Variants in DSG3 observed in about 807,000 individuals in gnomAD.
DSG3 encodes desmoglein-3.
DSG3 carries 63 observed loss-of-function variants against 85.9 expected under a neutral mutation model. That is an observed-to-expected ratio of 0.73 (90% confidence interval 0.60 to 0.90). The LOEUF is 0.90. DSG3 is among the 40% of genes least tolerant of loss of function. The pLI, the probability that DSG3 is intolerant of heterozygous loss-of-function variation, is 0.00. For synonymous variants in DSG3, 447 were observed against 441.9 expected, an observed-to-expected ratio of 1.01 and a Z score of -0.14; for missense variants, 1,220 against 1,219.9, an observed-to-expected ratio of 1.00 and a Z score of 0.00.
chr18:31,471,261 T>C (rs1255347315), intron 12 of DSG3, among the ~76,000 whole-genome samples: 1 of 152,152 alleles, frequency 6.6e-6, no homozygotes, highest in African/African-American at 2.4e-5. Context: ...AATTCATATG[T>C]TGAAACTTAA....
Position 31,460,861 on chromosome 18 carries a change from G to A in DSG3, c.713G>A (p.Ser238Asn). The change falls in exon 7 of 16, where the codon AGT becomes AAT. Residue 238 changes from serine to asparagine, a missense_variant. Physicochemically the swap from Ser to Asn is conservative, Grantham distance 46. Transcript: ENST00000257189. ...GCTAGCAGCTATCGTCTGGTTGTGA[G>A]TGGTGCAGACAAAGATGGAGAAGGA... is the stretch of plus-strand genomic sequence containing the variant. ...EQASSYRLVV[S>N]GADKDGEGLS... 6.3e-7 allele frequency: 1 copy of A among 1,594,612 alleles called. No homozygotes were observed. Among genetic ancestry groups the A allele is most frequent in the Non-Finnish European group, 8.5e-7 (1 of 1,174,690 alleles).
chr18:31,474,609 G>T (rs569136886), intron 15 of DSG3, among the ~76,000 whole-genome samples: 1 of 152,294 alleles, frequency 6.6e-6, no homozygotes, highest in Non-Finnish European at 1.5e-5. Context: ...AAGAATGGGA[G>T]CCAGGCACAG....
Position 31,476,024 on chromosome 18 carries a change from A to G in DSG3, c.2764A>G (p.Ile922Val). 6.2e-7 allele frequency: 1 copy of G among 1,614,178 alleles called. No homozygotes were observed. Among genetic ancestry groups the G allele is most frequent in the Non-Finnish European group, 8.5e-7 (1 of 1,180,038 alleles). Residue 922 changes from isoleucine to valine, a missense_variant, in exon 16 of 16, where the codon ATC (isoleucine) becomes GTC (valine). Physicochemically the swap from Ile to Val is conservative, Grantham distance 29. Transcript: ENST00000257189. ...TGGGTCTGTCCAGCCAGCTGTTTCC[A>G]TCCCTGACCCTCTGCAGCATGGTAA... ...TSGSVQPAVSIPDPLQHGNYL... is the reference protein window; with the variant it reads ...TSGSVQPAVSVPDPLQHGNYL...
In DSG3 at chr18:31,476,257, A is replaced by G; in HGVS notation, c.2997A>G (p.Ile999Met). Residue 999 changes from isoleucine to methionine, a missense_variant, in exon 16 of 16, where the codon ATA becomes ATG. Transcript: ENST00000257189. ...CAGAGGATCCTTGCTCCCGTCTAAT[A>G]TGACCAGAATGAGCTGGAATACCAC... is the stretch of plus-strand genomic sequence containing the variant. ...LCTEDPCSRL[I>M] 1.2e-6 allele frequency: 2 copies of G among 1,602,230 alleles called. No individual in the cohort carries two copies. The highest frequency in any genetic ancestry group is 1.7e-6 in the Non-Finnish European group (2 of 1,173,366).
intron 8 of DSG3, among the ~76,000 whole-genome samples, chr18:31,462,681 T>C (rs1316845278): frequency 6.6e-6 from 1 of 152,122 alleles, no homozygotes; most frequent in African/African-American, 2.4e-5. Context: ...CCTTAGAAAT[T>C]GTCTTTGAAG....
chr18:31,466,507 A>C, intron 10 of DSG3, 23 bp from the exon 11 acceptor site: 1 of 1,602,192 alleles, frequency 6.2e-7, no homozygotes, highest in Non-Finnish European at 8.6e-7. Flanking sequence ...CATTTCTTTA[A>C]CTCTAAAACA....
At position 31,476,151 on chromosome 18, in the gene DSG3, G is replaced by T. The variant is rs1263644589; in HGVS notation, c.2891G>T (p.Arg964Met). 2 of 1,614,074 alleles carry T rather than the reference G, an allele frequency of 1.2e-6. No homozygotes were observed. Among genetic ancestry groups the T allele is most frequent in the African/African-American group, 2.7e-5 (2 of 74,924 alleles). Residue 964 changes from arginine to methionine, a missense_variant, in exon 16 of 16, where the codon AGG becomes ATG. By Grantham distance (91) the Arg-to-Met change is moderately conservative. Coordinates refer to ENST00000257189, the MANE Select transcript of DSG3 (RefSeq NM_001944.3). ...LLTQNVIVTERVICPISSVPG... is the reference protein window; with the variant it reads ...LLTQNVIVTEMVICPISSVPG... The stretch of plus-strand genomic sequence containing the variant: ...ACACAAAATGTGATAGTGACAGAAA[G>T]GGTGATCTGTCCCATTTCCAGTGTT...
chr18:31,461,490 T>C lies in DSG3; in HGVS notation c.999+78T>C, dbSNP rs1198451917. The stretch of plus-strand genomic sequence containing the variant: ...GATCATTTCTACAGATAAAATGTAT[T>C]TATTTGTTAATATCACTTTATTACA... On this transcript the variant is annotated intron_variant, in intron 8 of 15. Coordinates refer to ENST00000257189, the MANE Select transcript of DSG3 (RefSeq NM_001944.3). The C allele has an allele frequency of 9.2e-6, 12 of 1,309,918 alleles. No homozygotes were observed. In the African/African-American group the frequency reaches 1.7e-4, roughly 18 times the overall value. 81.1% of individuals were successfully genotyped at this position (1,309,918 alleles called of 1,614,324 possible). A position where few individuals can be genotyped will look rare whatever the true frequency, so the allele number is the denominator to read the frequency against.
At chr18:31,451,034 T>A (rs1450660656) in intron 1 of DSG3, among the ~76,000 whole-genome samples, 1 of 152,110 alleles carries the variant, frequency 6.6e-6, no homozygotes, top group Non-Finnish European at 1.5e-5. Context: ...AAAAGCTATA[T>A]TTGGGAGGAG....
chr18:31,476,234 G>A lies in DSG3; in HGVS notation c.2974G>A (p.Glu992Lys). 6.2e-7 allele frequency: 1 copy of A among 1,612,446 alleles called. No individual in the cohort carries two copies. The highest frequency in any genetic ancestry group is 8.5e-7 in the Non-Finnish European group (1 of 1,179,024). The change falls in exon 16 of 16, where the codon GAG becomes AAG. Residue 992 changes from glutamate (E) to lysine (K), a missense_variant. Physicochemically the swap from Glu to Lys is moderately conservative, Grantham distance 56. Transcript: ENST00000257189. ...LRGSHTMLCT[E>K]DPCSRLI ...AGGGTCACATACTATGCTCTGTACA[G>A]AGGATCCTTGCTCCCGTCTAATATG...
At chr18:31,465,571 T>C (rs1165205689) in intron 10 of DSG3, 114 bp downstream of exon 10, 2 of 1,004,654 alleles carry the variant, frequency 2.0e-6, no homozygotes, top group Admixed American at 4.0e-5. Context: ...GAGAGAGAAT[T>C]ATCTTAGGAG....
At chr18:31,475,568 G>T in intron 15 of DSG3, 78 bp from the exon 16 acceptor site, 3 of 1,507,758 alleles carry the variant, frequency 2.0e-6, no homozygotes, top group Non-Finnish European at 2.7e-6. Flanking sequence ...TAATCCAAAT[G>T]AGTTCTACAA....
Position 31,474,296 on chromosome 18 carries a change from C to T in DSG3, c.2277C>T (p.Ser759=). ...CAGCCACTGGAGTTGGCATCTGTTCCTCAGGGCAGTCTGGAACCATGAGAA... is the reference window on the plus strand; with the variant it reads ...CAGCCACTGGAGTTGGCATCTGTTCTTCAGGGCAGTCTGGAACCATGAGAA... The part of the protein sequence containing the change: ...FGAATGVGIC[S]SGQSGTMRTR... The change falls in exon 15 of 16, where the codon TCC becomes TCT. Residue 759 remains serine, a synonymous_variant. Coordinates refer to ENST00000257189, the MANE Select transcript of DSG3 (RefSeq NM_001944.3). The T allele has an allele frequency of 6.2e-7, 1 of 1,614,156 alleles. No individual in the cohort carries two copies. Among genetic ancestry groups the T allele is most frequent in the Non-Finnish European group, 8.5e-7 (1 of 1,180,030 alleles).
At chr18:31,471,136 G>A (rs1470731051) in intron 12 of DSG3, among the ~76,000 whole-genome samples, 1 of 152,154 alleles carries the variant, frequency 6.6e-6, no homozygotes, top group Non-Finnish European at 1.5e-5. Flanking sequence ...GTCAGATTTC[G>A]AGCTGTGACA....
chr18:31,476,071 C>T lies in DSG3; in HGVS notation c.2811C>T (p.Tyr937=), dbSNP rs758334122. The part of the protein sequence containing the change: ...QHGNYLVTET[Y]SASGSLVQPS... ...GTAACTATTTAGTAACGGAGACTTACTCGGCTTCTGGTTCCCTCGTGCAAC... is the reference window on the plus strand; with the variant it reads ...GTAACTATTTAGTAACGGAGACTTATTCGGCTTCTGGTTCCCTCGTGCAAC... The change falls in exon 16 of 16, where the codon TAC becomes TAT. Residue 937 remains tyrosine, a synonymous_variant. Coordinates refer to ENST00000257189, the MANE Select transcript of DSG3 (RefSeq NM_001944.3). The T allele has an allele frequency of 6.2e-7, 1 of 1,614,210 alleles. No homozygotes were observed. Among genetic ancestry groups the T allele is most frequent in the Admixed American group, 1.7e-5 (1 of 60,026 alleles).
At position 31,461,531 on chromosome 18, in the gene DSG3, T is replaced by C. The variant is rs867172800; in HGVS notation, c.999+119T>C. On this transcript the variant is annotated intron_variant, in intron 8 of 15. Coordinates refer to ENST00000257189, the MANE Select transcript of DSG3 (RefSeq NM_001944.3). ...CTTTATTACAGAAAACACATAAAAG[T>C]AGATTGAATTTTTTGTAATCCCCAT... is the stretch of plus-strand genomic sequence containing the variant. The C allele has an allele frequency of 2.9e-5, 29 of 1,010,160 alleles. No individual in the cohort carries two copies. The Middle Eastern group carries it at 2.5e-3, about 88-fold the overall frequency. The allele number at this position is 1,010,160 out of a possible 1,614,324, so 62.6% of individuals were successfully genotyped here.
At chr18:31,448,830 A>G (rs952533521) in intron 1 of DSG3, among the ~76,000 whole-genome samples, 2 of 152,088 alleles carry the variant, frequency 1.3e-5, no homozygotes, top group Non-Finnish European at 1.5e-5. Context: ...AAAAAAATTG[A>G]GATAAATGGA....
chr18:31,459,730 G>A, intron 5 of DSG3, 115 bp from the exon 6 acceptor site: 3 of 1,054,132 alleles, frequency 2.8e-6, no homozygotes, highest in Non-Finnish European at 4.0e-6. Flanking sequence ...TGAACATACA[G>A]ATGATTTTAG....
intron 9 of DSG3, 42 bp from the exon 10 acceptor site, chr18:31,465,276 C>T: frequency 7.6e-7 from 1 of 1,316,510 alleles, no homozygotes; most frequent in Non-Finnish European, 9.8e-7. Context: ...TGTAACATTC[C>T]ACATTTGAAA....
Sources: gnomAD v4.1 joint callset for allele counts (sites outside exome capture counted in the v4.1 genomes callset) on GRCh38, gnomAD v4.1.1 for gene constraint, MANE v1.5 for transcripts, NCBI Gene and HGNC (gene_info 2026-07-23, HGNC 2026-07-21) for gene names.